The following POLQ variants were observed in gnomAD, a reference collection of about 807,000 sequenced individuals.
The protein encoded by POLQ is DNA polymerase theta.
Under a neutral mutation model 259.2 loss-of-function variants are expected in POLQ, and 233 were observed. The ratio of observed to expected loss-of-function variants is 0.90; its 90% CI spans 0.81 to 1.00. POLQ has a LOEUF of 1.00. POLQ is among the 50% of genes least tolerant of loss of function. The pLI, the probability that POLQ is intolerant of heterozygous loss-of-function variation, is 0.00. For synonymous variants in POLQ, 1,025 were observed against 1,048.8 expected, an observed-to-expected ratio of 0.98 and a Z score of 0.44; for missense variants, 2,871 against 3,051.6, an observed-to-expected ratio of 0.94 and a Z score of 1.39.
intron 18 of POLQ, among the ~76,000 whole-genome samples, chr3:121,482,215 TTC>T (rs2047976712): frequency 6.6e-6 from 1 of 152,156 alleles, no homozygotes; most frequent in South Asian, 2.1e-4. Context: ...ATTTAGTTCT[TTC>T]ATCATCAAAA....
chr3:121,522,174 C>G, intron 7 of POLQ, 25 bp from the exon 8 acceptor site: 1 of 1,574,818 alleles, frequency 6.3e-7, no homozygotes, highest in Non-Finnish European at 8.6e-7. Flanking sequence ...TTATCAACAC[C>G]ATTTGCTTCT....
At chr3:121,448,967 A>T (rs2047651900) in intron 26 of POLQ, among the ~76,000 whole-genome samples, 1 of 152,212 alleles carries the variant, frequency 6.6e-6, no homozygotes, top group Non-Finnish European at 1.5e-5. Flanking sequence ...ATATTTAATT[A>T]GCAATTATCA....
intron 4 of POLQ, 143 bp downstream of exon 4, chr3:121,539,290 C>T (rs1290531368): frequency 1.6e-6 from 1 of 638,056 alleles, no homozygotes; most frequent in Non-Finnish European, 2.7e-6. Flanking sequence ...GCGTTCCTAA[C>T]ATTACAGATG....
In POLQ at chr3:121,488,108, C is replaced by A. The variant is rs1283506031; in HGVS notation, c.4823G>T (p.Gly1608Val). Residue 1608 changes from glycine to valine, a missense_variant, in exon 16 of 30, where the codon GGA becomes GTA. By Grantham distance (109) the Gly-to-Val change is moderately radical (BLOSUM62 -3). Transcript: ENST00000264233. ...TTCAGCCCTTTCATCTTGATCTCCT[C>A]CATCTTGATCACCTTGGTGGTGCTC... ...LDEHHQGDQD[G>V]GDQDERAEKS... 6.2e-7 allele frequency: 1 copy of A among 1,613,690 alleles called. No homozygotes were observed. Among genetic ancestry groups the A allele is most frequent in the Admixed American group, 1.7e-5 (1 of 59,982 alleles).
chr3:121,529,755 G>A lies in POLQ; in HGVS notation c.998C>T (p.Thr333Met), dbSNP rs189092204. 9.0e-5 allele frequency: 145 copies of A among 1,611,452 alleles called. No individual in the cohort carries two copies. The highest frequency in any genetic ancestry group is 1.1e-4 in the Non-Finnish European group (129 of 1,178,360). The change falls in exon 7 of 30, where the codon ACG becomes ATG. Residue 333 changes from threonine to methionine, a missense_variant. Thr to Met is a moderately conservative substitution (Grantham distance 81, BLOSUM62 -1). Around this residue, in one of 3 missense-constraint regions of POLQ, gnomAD observed 783 missense variants for 906.2 expected, o/e 0.86. Coordinates refer to ENST00000264233, the MANE Select transcript of POLQ (RefSeq NM_199420.4). ...TAATACTGAATGGTTATCACAAATC[G>A]TCTCATAACATAAACTAACAACATG... ...EDHVVSLCYE[T>M]ICDNHSVLLF...
In POLQ at chr3:121,460,219, G is replaced by C; in HGVS notation, c.6983C>G (p.Ala2328Gly). The C allele has an allele frequency of 6.8e-6, 11 of 1,612,380 alleles. No homozygotes were observed. The highest frequency in any genetic ancestry group is 9.3e-6 in the Non-Finnish European group (11 of 1,178,400). ...CAGTTCAAGCTGAGAGTAGTCAGCA[G>C]CCAGTATTGAACCACCTGAAGTAGA... Reference protein sequence around the residue: ...FVPFPGGSILAADYSQLELRI... With the variant: ...FVPFPGGSILGADYSQLELRI... Residue 2328 changes from alanine to glycine, a missense_variant, in exon 25 of 30, where the codon GCT becomes GGT. Transcript: ENST00000264233.
rs775999582 is a variant in POLQ at position 121,493,568 on chromosome 3, T to C, written c.2432A>G (p.Tyr811Cys). ...TGCCACAGTATGAAAGCCAGAAGCATAGAGAACCCTGGCTCTCTGAGCATT... is the reference window on the plus strand; with the variant it reads ...TGCCACAGTATGAAAGCCAGAAGCACAGAGAACCCTGGCTCTCTGAGCATT... ...LLNAQRARVLYASGFHTVADL... is the reference protein window; with the variant it reads ...LLNAQRARVLCASGFHTVADL... Residue 811 changes from tyrosine to cysteine, a missense_variant, in exon 15 of 30, where the codon TAT (tyrosine) becomes TGT (cysteine). By Grantham distance (194) the Tyr-to-Cys change is radical. Around this residue, in one of 3 missense-constraint regions of POLQ, gnomAD observed 2,080 missense variants for 2,126.0 expected, o/e 0.98. Coordinates refer to ENST00000264233, the MANE Select transcript of POLQ (RefSeq NM_199420.4). The C allele has an allele frequency of 1.5e-5, 25 of 1,613,984 alleles. No homozygotes were observed. The South Asian group carries it at 2.6e-4, about 17-fold the overall frequency.
intron 2 of POLQ, among the ~76,000 whole-genome samples, chr3:121,544,224 A>C (rs748492970): frequency 2.6e-5 from 4 of 151,182 alleles, no homozygotes; most frequent in Non-Finnish European, 5.9e-5. Context: ...CTGGTGGCGC[A>C]CACCTGTAAT....
At position 121,487,749 on chromosome 3, in the gene POLQ, T is replaced by C. The variant is rs749746405; in HGVS notation, c.5182A>G (p.Ile1728Val). The C allele has an allele frequency of 6.2e-7, 1 of 1,613,190 alleles. No individual in the cohort carries two copies. The highest frequency in any genetic ancestry group is 1.7e-5 in the Admixed American group (1 of 59,992). Residue 1728 changes from isoleucine (I) to valine (V), a missense_variant, in exon 16 of 30, where the codon ATA (isoleucine) becomes GTA (valine). Around this residue, in one of 3 missense-constraint regions of POLQ, gnomAD observed 2,080 missense variants for 2,126.0 expected, o/e 0.98. Coordinates refer to ENST00000264233, the MANE Select transcript of POLQ (RefSeq NM_199420.4). ...SSLLPRKESN[I>V]VDDNGLIPPT... ...GGAATGAGACCATTATCATCAACTA[T>C]ATTACTTTCTTTACGAGGTAAGAGG...
intron 12 of POLQ, among the ~76,000 whole-genome samples, chr3:121,507,370 C>G (rs2048216930): frequency 6.6e-6 from 1 of 152,158 alleles, no homozygotes; most frequent in South Asian, 2.1e-4. Flanking sequence ...TTTCTTAAAC[C>G]ATAACCACAA....
At chr3:121,531,196 T>A (rs1188946251) in intron 6 of POLQ, among the ~76,000 whole-genome samples, 1 of 151,896 alleles carries the variant, frequency 6.6e-6, no homozygotes, top group Non-Finnish European at 1.5e-5. Context: ...TCAAAAATAA[T>A]AATAATAATA....
At chr3:121,450,347 A>G (rs1348387790) in intron 25 of POLQ, among the ~76,000 whole-genome samples, 1 of 151,648 alleles carries the variant, frequency 6.6e-6, no homozygotes, top group African/African-American at 2.4e-5. Flanking sequence ...TTTCTATTTT[A>G]TTTTTTCGCT....
chr3:121,532,296 CTATAT>C (rs1456766129), intron 6 of POLQ, among the ~76,000 whole-genome samples: 3 of 152,086 alleles, frequency 2.0e-5, no homozygotes, highest in African/African-American at 7.2e-5. Flanking sequence ...TTTCACTCTA[CTATAT>C]ATTATACCTA....
intron 12 of POLQ, among the ~76,000 whole-genome samples, chr3:121,501,080 C>T (rs1422671637): frequency 6.6e-6 from 1 of 152,154 alleles, no homozygotes; most frequent in Non-Finnish European, 1.5e-5. Context: ...CCTCCCACCT[C>T]AGCCTCCCAG....
At chr3:121,501,290 A>T (rs1357085785) in intron 12 of POLQ, among the ~76,000 whole-genome samples, 1 of 152,008 alleles carries the variant, frequency 6.6e-6, no homozygotes, top group South Asian at 2.1e-4. Flanking sequence ...AAGGAGAGTT[A>T]TTTTTCAAAA....
chr3:121,472,717 C>T (rs948701231), intron 21 of POLQ, among the ~76,000 whole-genome samples: 2 of 152,076 alleles, frequency 1.3e-5, no homozygotes, highest in South Asian at 4.1e-4. Flanking sequence ...AGGAAACTTC[C>T]TAGGAGCAGA....
chr3:121,453,221 A>T (rs2047695891), intron 25 of POLQ, among the ~76,000 whole-genome samples: 2 of 152,228 alleles, frequency 1.3e-5, no homozygotes, highest in Non-Finnish European at 2.9e-5. Flanking sequence ...AAGGACATCC[A>T]CACCAAAAAC....
At position 121,489,035 on chromosome 3, in the gene POLQ, GTA is replaced by G; in HGVS notation, c.3894_3895del (p.Thr1299AsnfsTer5). ...ATGATTATTTTTAGTTTTGTTTGTT[GTA>G]TAAGTACCTGTTTTTTCTTGTAGTC... On this transcript the variant is annotated frameshift_variant, in exon 16 of 30. Coordinates refer to ENST00000264233, the MANE Select transcript of POLQ (RefSeq NM_199420.4). LOFTEE classifies it high-confidence loss of function. The G allele has an allele frequency of 6.2e-7, 1 of 1,613,098 alleles. No homozygotes were observed. Among genetic ancestry groups the G allele is most frequent in the South Asian group, 1.1e-5 (1 of 90,980 alleles).
chr3:121,539,722 C>T lies in POLQ; in HGVS notation c.475-133G>A, dbSNP rs889687321. On this transcript the variant is annotated intron_variant, in intron 3 of 29. Coordinates refer to ENST00000264233, the MANE Select transcript of POLQ (RefSeq NM_199420.4). ...GATTACTGTCATCAGTTGTTTCTGGCCAGGACACACTGGTTCTTTTTAGAT... is the reference window on the plus strand; with the variant it reads ...GATTACTGTCATCAGTTGTTTCTGGTCAGGACACACTGGTTCTTTTTAGAT... 3 of 678,552 alleles carry T rather than the reference C, an allele frequency of 4.4e-6. No individual in the cohort carries two copies. The African/African-American group carries it at 5.5e-5, about 12-fold the overall frequency. The allele number at this position is 678,552 out of a possible 1,614,324, so 42.0% of individuals were successfully genotyped here.
Sources: allele counts gnomAD v4.1 joint callset (sites outside exome capture counted in the v4.1 genomes callset), GRCh38; gene constraint gnomAD v4.1.1; regional missense constraint gnomAD v4.1.1; transcripts MANE v1.5; gene names NCBI Gene and HGNC (gene_info 2026-07-23, HGNC 2026-07-21).